The following WDR72 variants were observed in gnomAD, a reference collection of about 807,000 sequenced individuals.
WDR72 encodes the protein WD repeat-containing protein 72.
WDR72 carries 120 observed loss-of-function variants against 124.2 expected under a neutral mutation model. The observed-to-expected ratio is 0.97, with a 90% CI of 0.83 to 1.12. The LOEUF is 1.12. Among genes scored for constraint, WDR72 ranks in the 50% most tolerant of loss-of-function variants. The pLI, the probability that WDR72 is intolerant of heterozygous loss-of-function variation, is 0.00. For missense variants in WDR72, 1,387 were observed against 1,278.8 expected (o/e 1.08, Z -1.29); for synonymous variants, 452 against 441.7 (o/e 1.02, Z -0.29).
At chr15:53,668,019 T>C (rs114953415) in intron 13 of WDR72, among the ~76,000 whole-genome samples, 1 of 152,176 alleles carries the variant, frequency 6.6e-6, no homozygotes, top group East Asian at 1.9e-4. Context: ...TGACAATGTA[T>C]AGTATTTAAG....
chr15:53,733,210 T>C (rs1007713762), intron 1 of WDR72, 49 bp from the exon 2 acceptor site: 69 of 1,598,066 alleles, frequency 4.3e-5, no homozygotes, highest in Non-Finnish European at 5.6e-5. Flanking sequence ...TTTTTGAAAT[T>C]TGAGGAAACC....
chr15:53,608,770 A>G lies in WDR72; in HGVS notation c.2952+743T>C, dbSNP rs977986019. Among the ~76,000 whole-genome samples the G allele has an allele frequency of 4.6e-5, 7 of 150,796 alleles. No homozygotes were observed. The East Asian group carries it at 5.8e-4, about 12-fold the overall frequency. On this transcript the variant is annotated intron_variant, in intron 17 of 19. Coordinates refer to ENST00000360509, the MANE Select transcript of WDR72 (RefSeq NM_182758.4). ...GATCCTTTCTCAAAAATAAATAAAT[A>G]AATAAATAAATAAATATAAAAATAA...
At chr15:53,647,939 G>C (rs1165112541) in intron 14 of WDR72, among the ~76,000 whole-genome samples, 5 of 151,996 alleles carry the variant, frequency 3.3e-5, no homozygotes, top group African/African-American at 4.8e-5. Context: ...TTAAAACCCA[G>C]ATTGACTACT....
At chr15:53,721,739 G>C (rs2017881288) in intron 3 of WDR72, among the ~76,000 whole-genome samples, 1 of 152,162 alleles carries the variant, frequency 6.6e-6, no homozygotes, top group Non-Finnish European at 1.5e-5. Context: ...AAAAACAAAA[G>C]AGAGGCTTAT....
intron 14 of WDR72, among the ~76,000 whole-genome samples, chr15:53,649,222 C>T (rs371055448): frequency 4.6e-5 from 7 of 152,008 alleles, no homozygotes; most frequent in South Asian, 2.1e-4. Flanking sequence ...TTTACTGATG[C>T]GTTGGCTATG....
chr15:53,741,579 T>C (rs146276871), intron 1 of WDR72, among the ~76,000 whole-genome samples: 337 of 152,310 alleles, frequency 2.2e-3, no homozygotes, highest in Non-Finnish European at 3.4e-3. Flanking sequence ...AACAAAAGCA[T>C]ATGGGCAAAA....
chr15:53,747,168 A>G (rs2018663283), intron 1 of WDR72, among the ~76,000 whole-genome samples: 3 of 152,226 alleles, frequency 2.0e-5, no homozygotes, highest in Admixed American at 2.0e-4. Context: ...AGCCCTGTCC[A>G]CCCAAAATCT....
intron 14 of WDR72, among the ~76,000 whole-genome samples, chr15:53,630,138 T>C (rs1051177992): frequency 2.0e-5 from 3 of 151,980 alleles, no homozygotes; most frequent in African/African-American, 7.3e-5. Context: ...TAAAAAGACA[T>C]AAACGACCAA....
intron 13 of WDR72, among the ~76,000 whole-genome samples, chr15:53,691,647 A>C (rs1385207196): frequency 7.8e-6 from 1 of 128,910 alleles, no homozygotes; most frequent in Non-Finnish European, 1.7e-5. Context: ...AGATAGATAG[A>C]TAGATAGATA....
chr15:53,542,162 G>A (rs374181132), intron 18 of WDR72, among the ~76,000 whole-genome samples: 75 of 45,516 alleles, frequency 1.6e-3, no homozygotes, highest in South Asian at 9.7e-3. Flanking sequence ...GATACTCCTC[G>A]AGAAGAGCAA....
At chr15:53,614,731 A>G (rs1205296443) in intron 15 of WDR72, among the ~76,000 whole-genome samples, 5 of 151,994 alleles carry the variant, frequency 3.3e-5, no homozygotes, top group Non-Finnish European at 5.9e-5. Flanking sequence ...TTACCAGCCT[A>G]AGCTTTTAAG....
chr15:53,591,467 C>T lies in WDR72; in HGVS notation c.3148+5612G>A, dbSNP rs531282141. On this transcript the variant is annotated intron_variant, in intron 18 of 19. Coordinates refer to ENST00000360509, the MANE Select transcript of WDR72 (RefSeq NM_182758.4). ...TATCTGCCTAACTGTAGCTTCCTAG[C>T]TCAATCCACCCAAAAGTTTTAAGTG... is the stretch of plus-strand genomic sequence containing the variant. Among the ~76,000 whole-genome samples the T allele has an allele frequency of 1.2e-4, 19 of 152,142 alleles. 1 individual carries two copies. Among genetic ancestry groups the T allele is most frequent in the Non-Finnish European group, 2.4e-4 (16 of 67,972 alleles).
chr15:53,553,364 G>A (rs1195288650), intron 18 of WDR72, among the ~76,000 whole-genome samples: 2 of 152,186 alleles, frequency 1.3e-5, no homozygotes, highest in African/African-American at 2.4e-5. Context: ...CTCAGCTAAT[G>A]AGCTGCCTCA....
chr15:53,625,475 C>A (rs1189878591), intron 14 of WDR72, among the ~76,000 whole-genome samples: 1 of 152,154 alleles, frequency 6.6e-6, no homozygotes, highest in Non-Finnish European at 1.5e-5. Context: ...AAAGAACAAT[C>A]CATTCCAACC....
rs776645100 is a variant in WDR72, at chr15:53,639,684, T to C, written c.1963-23441A>G. Among the ~76,000 whole-genome samples the C allele has an allele frequency of 6.6e-5, 10 of 151,980 alleles. No individual in the cohort carries two copies. The South Asian group carries it at 1.0e-3, about 16-fold the overall frequency. ...ATTCTTCTGCTATTAATAGTTAATA[T>C]TGGCCTTATGATCTTTGTGATTGCC... On this transcript the variant is annotated intron_variant, in intron 14 of 19. Coordinates refer to ENST00000360509, the MANE Select transcript of WDR72 (RefSeq NM_182758.4).
intron 17 of WDR72, among the ~76,000 whole-genome samples, chr15:53,608,599 C>T (rs189747505): frequency 6.6e-6 from 1 of 151,328 alleles, no homozygotes; most frequent in African/African-American, 2.4e-5. Flanking sequence ...TTTAAAAATA[C>T]AGAAAAAATT....
At chr15:53,686,525 T>C (rs142035642) in intron 13 of WDR72, among the ~76,000 whole-genome samples, 3,277 of 150,748 alleles carry the variant, frequency 0.022, 56 homozygotes, top group East Asian at 0.059. Flanking sequence ...CCTAAATATA[T>C]ATGCACTCAA....
intron 18 of WDR72, among the ~76,000 whole-genome samples, chr15:53,568,805 T>C (rs1894393561): frequency 6.6e-6 from 1 of 152,130 alleles, no homozygotes; most frequent in South Asian, 2.1e-4. Flanking sequence ...TCTCATGAGT[T>C]AAAAACTCAG....
At chr15:53,648,053 T>G (rs564357442) in intron 14 of WDR72, among the ~76,000 whole-genome samples, 1 of 152,084 alleles carries the variant, frequency 6.6e-6, no homozygotes, top group South Asian at 2.1e-4. Flanking sequence ...AAATTCCCCC[T>G]AACTTCCCCA....
Sources: gnomAD v4.1 joint callset for allele counts (sites outside exome capture counted in the v4.1 genomes callset) on GRCh38, gnomAD v4.1.1 for gene constraint, MANE v1.5 for transcripts, NCBI Gene and HGNC (gene_info 2026-07-23, HGNC 2026-07-21) for gene names.